Variants in B4GALT5 observed in about 807,000 individuals in gnomAD.
The protein encoded by B4GALT5 is UDP-Gal:beta-GlcNAc beta-1,4-galactosyltransferase 5.
B4GALT5 carries 11 observed loss-of-function variants against 45.0 expected under a neutral mutation model. The observed-to-expected ratio is 0.24, with a 90% CI of 0.15 to 0.40. B4GALT5 has a LOEUF of 0.40. B4GALT5 is among the 10% of genes least tolerant of loss of function. The pLI, the probability that B4GALT5 is intolerant of heterozygous loss-of-function variation, is 1.00. For missense variants in B4GALT5, 337 were observed against 500.2 expected (o/e 0.67, Z 3.11); for synonymous variants, 185 against 182.9 (o/e 1.01, Z -0.09).
At chr20:49,669,242 T>C (rs536827562) in intron 1 of B4GALT5, among the ~76,000 whole-genome samples, 2 of 152,272 alleles carry the variant, frequency 1.3e-5, no homozygotes, top group South Asian at 4.1e-4. Flanking sequence ...CACCTATCTT[T>C]GGGCTCTTTC....
chr20:49,659,842 G>A (rs371446582), intron 1 of B4GALT5, among the ~76,000 whole-genome samples: 3 of 151,142 alleles, frequency 2.0e-5, no homozygotes, highest in South Asian at 2.1e-4. Flanking sequence ...CAGAGTCTCA[G>A]TCTTGGCTCA....
chr20:49,668,971 C>T (rs995208669), intron 1 of B4GALT5, among the ~76,000 whole-genome samples: 1 of 152,166 alleles, frequency 6.6e-6, no homozygotes, highest in Non-Finnish European at 1.5e-5. Context: ...AAGCAATCCT[C>T]CTGCCTCAGC....
intron 2 of B4GALT5, among the ~76,000 whole-genome samples, chr20:49,655,380 G>A (rs902790175): frequency 2.6e-5 from 4 of 151,292 alleles, no homozygotes; most frequent in African/African-American, 7.3e-5. Flanking sequence ...ACAGTGAGCC[G>A]AGATTAACAC....
At chr20:49,708,158 T>A (rs1212155429) in intron 1 of B4GALT5, among the ~76,000 whole-genome samples, 2 of 151,458 alleles carry the variant, frequency 1.3e-5, no homozygotes, top group African/African-American at 4.9e-5. Context: ...GGCAGGAGGA[T>A]CACTTGAACC....
At chr20:49,646,929 TA>T in intron 3 of B4GALT5, 35 bp downstream of exon 3, 1 of 1,386,874 alleles carries the variant, frequency 7.2e-7, no homozygotes, top group Non-Finnish European at 1.0e-6. Context: ...TTATCCATTT[TA>T]AAAGCAGAGG....
At chr20:49,637,320 A>G (rs1362829653) in intron 8 of B4GALT5, 21 bp downstream of exon 8, 1 of 1,586,074 alleles carries the variant, frequency 6.3e-7, no homozygotes, top group Non-Finnish European at 8.7e-7. Flanking sequence ...CTTCTAAGAG[A>G]CAGAGATAAA....
At chr20:49,639,639 T>A in intron 7 of B4GALT5, 39 bp downstream of exon 7, 1 of 1,609,138 alleles carries the variant, frequency 6.2e-7, no homozygotes. Context: ...CAGTCTAAGG[T>A]AGCATTTCTA....
At chr20:49,663,564 C>CA (rs1482372256) in intron 1 of B4GALT5, among the ~76,000 whole-genome samples, 1 of 149,710 alleles carries the variant, frequency 6.7e-6, no homozygotes, top group Non-Finnish European at 1.5e-5. Flanking sequence ...TCTAGCTGGG[C>CA]ATGGTGGCAC....
At chr20:49,686,796 G>C (rs1009527420) in intron 1 of B4GALT5, among the ~76,000 whole-genome samples, 2 of 143,296 alleles carry the variant, frequency 1.4e-5, no homozygotes, top group African/African-American at 5.2e-5. Context: ...AGACCCACAA[G>C]GCTGAGGTGG....
At chr20:49,664,059 A>G (rs1056459005) in intron 1 of B4GALT5, among the ~76,000 whole-genome samples, 20 of 152,180 alleles carry the variant, frequency 1.3e-4, no homozygotes, top group Non-Finnish European at 2.5e-4. Flanking sequence ...ATTTTGCTGC[A>G]TAAGAGGAAG....
chr20:49,667,736 A>G (rs2085697816), intron 1 of B4GALT5, among the ~76,000 whole-genome samples: 1 of 152,184 alleles, frequency 6.6e-6, no homozygotes, highest in Admixed American at 6.5e-5. Context: ...TTTACTGTCA[A>G]CATGTCATAT....
chr20:49,707,585 T>G (rs2085889699), intron 1 of B4GALT5, among the ~76,000 whole-genome samples: 1 of 152,050 alleles, frequency 6.6e-6, no homozygotes, highest in African/African-American at 2.4e-5. Context: ...TTAGGAAAAG[T>G]TGTATTTGAT....
At chr20:49,656,423 A>G (rs2085643172) in intron 2 of B4GALT5, 145 bp downstream of exon 2, 1 of 1,000,626 alleles carries the variant, frequency 1.0e-6, no homozygotes, top group Admixed American at 2.3e-5. Context: ...TTCATTTGGC[A>G]AGAGCTTTTT....
chr20:49,674,701 AGAAG>A (rs2085730503), intron 1 of B4GALT5, among the ~76,000 whole-genome samples: 1 of 146,654 alleles, frequency 6.8e-6, no homozygotes, highest in African/African-American at 2.5e-5. Context: ...AAAAAAAAAA[AGAAG>A]AAGAAGAAGA....
At chr20:49,661,902 CTT>C (rs1287677572) in intron 1 of B4GALT5, among the ~76,000 whole-genome samples, 1 of 152,152 alleles carries the variant, frequency 6.6e-6, no homozygotes, top group African/African-American at 2.4e-5. Context: ...GGAGGGATCT[CTT>C]ATATATAACC....
chr20:49,674,989 A>G (rs1309754071), intron 1 of B4GALT5, among the ~76,000 whole-genome samples: 2 of 152,214 alleles, frequency 1.3e-5, no homozygotes, highest in Non-Finnish European at 2.9e-5. Flanking sequence ...GGCTAGGTGC[A>G]AAGACACAAA....
intron 1 of B4GALT5, among the ~76,000 whole-genome samples, chr20:49,707,474 G>A (rs1400039831): frequency 6.6e-6 from 1 of 151,960 alleles, no homozygotes; most frequent in Non-Finnish European, 1.5e-5. Context: ...CAGAAACTGA[G>A]TGTGCTGAGG....
At chr20:49,642,668 C>T in intron 4 of B4GALT5, 84 bp from the exon 5 acceptor site, 1 of 909,146 alleles carries the variant, frequency 1.1e-6, no homozygotes. Flanking sequence ...AATTGCTGAC[C>T]AACCCATGGG....
chr20:49,636,119 C>G lies in B4GALT5; in HGVS notation c.*193G>C. The G allele has an allele frequency of 1.5e-6, 1 of 680,038 alleles. No individual in the cohort carries two copies. The highest frequency in any genetic ancestry group is 2.4e-6 in the Non-Finnish European group (1 of 412,998). The allele number at this position is 680,038 out of a possible 1,614,324, so 42.1% of individuals were successfully genotyped here. A position where few individuals can be genotyped will look rare whatever the true frequency, so the allele number is the denominator to read the frequency against. On this transcript the variant is annotated 3_prime_UTR_variant, in exon 9 of 9. Transcript: ENST00000371711. ...CGAAGGAAGTCCCCAAGCTCACTCC[C>G]TCAGTTCCAGCGGCTGATCCAGTGA...
Sources: allele counts gnomAD v4.1 joint callset (sites outside exome capture counted in the v4.1 genomes callset), GRCh38; gene constraint gnomAD v4.1.1; transcripts MANE v1.5; gene names NCBI Gene and HGNC (gene_info 2026-07-23, HGNC 2026-07-21).